Variants in SLC25A21 observed in about 807,000 individuals in gnomAD.
SLC25A21 encodes the protein solute carrier family 25 member 21, also known as mitochondrial 2-oxodicarboxylate carrier.
Under a neutral mutation model 43.8 loss-of-function variants are expected in SLC25A21, and 47 were observed. The observed-to-expected ratio is 1.07, with a 90% CI of 0.85 to 1.37. SLC25A21 has a LOEUF of 1.37. Ranked by LOEUF, SLC25A21 falls within the 40% of genes most tolerant of loss-of-function variation. SLC25A21 has a pLI of 0.00. For missense variants in SLC25A21, 352 were observed against 350.2 expected (o/e 1.00, Z -0.04); for synonymous variants, 131 against 121.3 (o/e 1.08, Z -0.52).
intron 3 of SLC25A21, among the ~76,000 whole-genome samples, chr14:36,784,537 G>C (rs547437940): frequency 1.2e-4 from 18 of 152,304 alleles, no homozygotes; most frequent in Admixed American, 9.8e-4. Context: ...CTCAGGGTTT[G>C]AGAGAGCTGG....
At chr14:37,128,575 T>C (rs1963338735) in intron 1 of SLC25A21, among the ~76,000 whole-genome samples, 1 of 149,196 alleles carries the variant, frequency 6.7e-6, no homozygotes, top group African/African-American at 2.5e-5. Context: ...TGTGTGTGTG[T>C]GTGCATTTTG....
At chr14:37,067,339 T>G (rs150380116) in intron 1 of SLC25A21, among the ~76,000 whole-genome samples, 1 of 152,278 alleles carries the variant, frequency 6.6e-6, no homozygotes, top group East Asian at 1.9e-4. Flanking sequence ...GAGCATCAGT[T>G]TGACAGCTGA....
At chr14:37,018,197 A>G (rs928261091) in intron 1 of SLC25A21, among the ~76,000 whole-genome samples, 3 of 152,032 alleles carry the variant, frequency 2.0e-5, no homozygotes, top group Admixed American at 2.0e-4. Context: ...ATGTACATAT[A>G]CATTGTCAAA....
chr14:36,755,692 C>T (rs544813744), intron 3 of SLC25A21, among the ~76,000 whole-genome samples: 2 of 152,276 alleles, frequency 1.3e-5, no homozygotes, highest in South Asian at 4.1e-4. Context: ...TATATGAACA[C>T]ATAGATCGTT....
chr14:37,034,348 C>T (rs1043961900), intron 1 of SLC25A21, among the ~76,000 whole-genome samples: 3 of 152,002 alleles, frequency 2.0e-5, no homozygotes, highest in Non-Finnish European at 4.4e-5. Flanking sequence ...GAGAATAAAC[C>T]CACTATAAAG....
rs570571712 is a variant in SLC25A21, at chr14:37,152,690, T to C, written c.70+19591A>G. ...GGTTTGTTTGGGGAGTTAGAATGTG[T>C]AAAACACAAGAAGAAAAAAACTAAA... On this transcript the variant is annotated intron_variant, in intron 1 of 9. Transcript: ENST00000331299. 6.1e-4 allele frequency among the ~76,000 whole-genome samples: 93 copies of C among 152,216 alleles called. 1 individual carries two copies. The highest frequency in any genetic ancestry group is 1.9e-3 in the African/African-American group (80 of 41,546).
At chr14:36,817,830 G>A (rs1296340282) in intron 2 of SLC25A21, among the ~76,000 whole-genome samples, 4 of 152,118 alleles carry the variant, frequency 2.6e-5, no homozygotes, top group Admixed American at 2.6e-4. Flanking sequence ...TAATTCCCAG[G>A]TGGGTTTTCT....
At chr14:36,928,061 C>G (rs780045379) in intron 1 of SLC25A21, among the ~76,000 whole-genome samples, 16 of 152,132 alleles carry the variant, frequency 1.1e-4, no homozygotes, top group Non-Finnish European at 1.6e-4. Context: ...GCAGTGATTT[C>G]TTAATATTAC....
At chr14:36,960,826 T>C (rs1350414850) in intron 1 of SLC25A21, among the ~76,000 whole-genome samples, 1 of 152,186 alleles carries the variant, frequency 6.6e-6, no homozygotes, top group African/African-American at 2.4e-5. Context: ...ACAGTAGTGG[T>C]GAGTCCACTC....
At chr14:36,716,648 G>C (rs1476506942) in intron 6 of SLC25A21, among the ~76,000 whole-genome samples, 1 of 152,164 alleles carries the variant, frequency 6.6e-6, no homozygotes, top group Non-Finnish European at 1.5e-5. Context: ...TGAGAGCCCA[G>C]TACTACCAAC....
At chr14:36,693,312 T>C (rs1019440263) in intron 7 of SLC25A21, among the ~76,000 whole-genome samples, 1 of 152,162 alleles carries the variant, frequency 6.6e-6, no homozygotes, top group African/African-American at 2.4e-5. Context: ...CTGTGAAAGA[T>C]GTGAACATAT....
chr14:37,088,045 G>A (rs1393117285), intron 1 of SLC25A21, among the ~76,000 whole-genome samples: 1 of 152,188 alleles, frequency 6.6e-6, no homozygotes, highest in Non-Finnish European at 1.5e-5. Context: ...CTTGTAACTT[G>A]AAATGTGTCA....
At chr14:37,055,586 G>A (rs146505001) in intron 1 of SLC25A21, among the ~76,000 whole-genome samples, 199 of 152,146 alleles carry the variant, frequency 1.3e-3, no homozygotes, top group Admixed American at 3.1e-3. Flanking sequence ...CTGAGCTGCC[G>A]AACATGGAAG....
At chr14:36,748,779 G>A (rs1310418860) in intron 3 of SLC25A21, among the ~76,000 whole-genome samples, 2 of 152,074 alleles carry the variant, frequency 1.3e-5, no homozygotes, top group Admixed American at 6.6e-5. Flanking sequence ...AGTTCCTCCA[G>A]TCACCTACTA....
At chr14:36,745,844 T>C (rs908773491) in intron 3 of SLC25A21, among the ~76,000 whole-genome samples, 2 of 152,146 alleles carry the variant, frequency 1.3e-5, no homozygotes, top group African/African-American at 4.8e-5. Context: ...CCATCAAACA[T>C]ATGAAAACAT....
intron 1 of SLC25A21, among the ~76,000 whole-genome samples, chr14:37,171,668 T>C (rs1964131992): frequency 6.6e-6 from 1 of 152,188 alleles, no homozygotes; most frequent in African/African-American, 2.4e-5. Flanking sequence ...ATTACAACAT[T>C]TTTTTCTAAA....
At chr14:36,931,338 TG>T (rs1892282903) in intron 1 of SLC25A21, among the ~76,000 whole-genome samples, 1 of 152,154 alleles carries the variant, frequency 6.6e-6, no homozygotes, top group African/African-American at 2.4e-5. Flanking sequence ...ACCTGAGCCT[TG>T]GCAAGGATGC....
intron 7 of SLC25A21, among the ~76,000 whole-genome samples, chr14:36,688,585 G>A (rs565171692): frequency 2.0e-5 from 3 of 152,270 alleles, no homozygotes; most frequent in Middle Eastern, 3.4e-3. Context: ...TGCCGCCTTC[G>A]GTCCTACCGC....
At chr14:36,893,273 T>A (rs1408341565) in intron 1 of SLC25A21, among the ~76,000 whole-genome samples, 1 of 152,136 alleles carries the variant, frequency 6.6e-6, no homozygotes, top group Admixed American at 6.5e-5. Context: ...TCACTGTGGT[T>A]TTGATTTGTA....
Sources: allele counts gnomAD v4.1 joint callset (sites outside exome capture counted in the v4.1 genomes callset), GRCh38; gene constraint gnomAD v4.1.1; transcripts MANE v1.5; gene names NCBI Gene and HGNC (gene_info 2026-07-23, HGNC 2026-07-21).